Variants in KLF17 observed in about 807,000 individuals in gnomAD.
KLF17 encodes KLF transcription factor 17.
In KLF17, 31 loss-of-function variants were observed where a neutral mutation model predicts 34.2. That is an observed-to-expected ratio of 0.91 (90% confidence interval 0.68 to 1.22). KLF17 has a LOEUF of 1.22. Among genes scored for constraint, KLF17 ranks in the 50% most tolerant of loss-of-function variants. The pLI is 0.00. For missense variants in KLF17, 478 were observed against 505.2 expected, an observed-to-expected ratio of 0.95 and a Z score of 0.52; for synonymous variants, 179 against 186.7, an observed-to-expected ratio of 0.96 and a Z score of 0.34.
At chr1:44,074,016 C>T in the KLF17 span, among the ~76,000 whole-genome samples, 8,397 of 152,216 alleles carry the variant, frequency 0.055, 344 homozygotes, top group Admixed American at 0.11. Context: ...GCTGCCCCCC[C>T]AACAATATTT....
At chr1:44,062,484 G>A in the KLF17 span, among the ~76,000 whole-genome samples, 1 of 151,752 alleles carries the variant, frequency 6.6e-6, no homozygotes, top group South Asian at 2.1e-4. Flanking sequence ...AGGGAGGATC[G>A]TTTGGAGCCA....
chr1:44,117,465 A>ATTTTATTTAT (rs869175404), upstream of KLF17: 33 of 63,456 alleles, frequency 5.2e-4, no homozygotes, highest in Middle Eastern at 0.029. Context: ...ATTTTATTTT[A>ATTTTATTTAT]TTTATTTTAT....
chr1:44,096,602 G>A, the KLF17 span, among the ~76,000 whole-genome samples: 49,524 of 151,374 alleles, frequency 0.33, 8,262 homozygotes, highest in South Asian at 0.41. Flanking sequence ...GGTTTACACC[G>A]TGTTAGCCAG....
the KLF17 span, among the ~76,000 whole-genome samples, chr1:44,083,902 G>C: frequency 1.3e-5 from 2 of 152,022 alleles, no homozygotes; most frequent in Non-Finnish European, 2.9e-5. Flanking sequence ...AGTACAAGCC[G>C]GGATCGTCCT....
chr1:44,065,405 GTTT>G, the KLF17 span, among the ~76,000 whole-genome samples: 21 of 119,000 alleles, frequency 1.8e-4, no homozygotes, highest in African/African-American at 3.5e-4. Flanking sequence ...ATAATCCTTG[GTTT>G]TTTTTTTTTT....
the KLF17 span, among the ~76,000 whole-genome samples, chr1:44,099,425 T>C: frequency 8.6e-5 from 13 of 151,970 alleles, no homozygotes; most frequent in South Asian, 2.7e-3. Context: ...TAAATATTTT[T>C]AAAAAGAAAA....
chr1:44,108,424 C>G, the KLF17 span, among the ~76,000 whole-genome samples: 2 of 152,098 alleles, frequency 1.3e-5, no homozygotes, highest in Non-Finnish European at 2.9e-5. Flanking sequence ...TGTGAGTCAT[C>G]TAACTTGTAT....
the KLF17 span, among the ~76,000 whole-genome samples, chr1:44,098,260 A>C: frequency 1.3e-5 from 2 of 152,182 alleles, no homozygotes; most frequent in Non-Finnish European, 2.9e-5. Flanking sequence ...ATAGTTGCTC[A>C]TAATAGTCTC....
the KLF17 span, among the ~76,000 whole-genome samples, chr1:44,112,981 A>T: frequency 6.6e-6 from 1 of 152,116 alleles, no homozygotes; most frequent in African/African-American, 2.4e-5. Flanking sequence ...GTTCATTCTG[A>T]TGGCTTCAAT....
the KLF17 span, among the ~76,000 whole-genome samples, chr1:44,086,500 TAAATA>T: frequency 2.6e-5 from 3 of 116,450 alleles, no homozygotes; most frequent in Admixed American, 9.0e-5. Flanking sequence ...AATAAATAAA[TAAATA>T]AAAATAAATT....
At chr1:44,129,319 T>C in intron 1 of KLF17, 34 bp from the exon 2 acceptor site, 1 of 1,506,034 alleles carries the variant, frequency 6.6e-7, no homozygotes, top group African/African-American at 1.4e-5. Flanking sequence ...GAACTGGAAT[T>C]TGAGCAAAAA....
the KLF17 span, among the ~76,000 whole-genome samples, chr1:44,073,209 C>CTTTTTTTTT: frequency 1.4e-4 from 19 of 137,774 alleles, no homozygotes; most frequent in South Asian, 4.6e-4. Flanking sequence ...TCTTCTTCTT[C>CTTTTTTTTT]TTTTTTTTTT....
At chr1:44,121,665 A>C (rs1457920060) in intron 1 of KLF17, among the ~76,000 whole-genome samples, 2 of 152,200 alleles carry the variant, frequency 1.3e-5, no homozygotes, top group East Asian at 3.8e-4. Context: ...TCCTCATGAT[A>C]ACATTTAGCT....
chr1:44,062,254 T>A, the KLF17 span, among the ~76,000 whole-genome samples: 1 of 152,280 alleles, frequency 6.6e-6, no homozygotes, highest in Non-Finnish European at 1.5e-5. Context: ...AATGTATTTT[T>A]AACTCTAAAA....
chr1:44,087,228 G>A, the KLF17 span, among the ~76,000 whole-genome samples: 19 of 152,122 alleles, frequency 1.2e-4, no homozygotes, highest in African/African-American at 4.3e-4. Flanking sequence ...TGACTTAAAC[G>A]ACAGACATTT....
the KLF17 span, among the ~76,000 whole-genome samples, chr1:44,071,426 G>A: frequency 1.3e-5 from 2 of 152,022 alleles, no homozygotes; most frequent in East Asian, 1.9e-4. Flanking sequence ...ACTCTTTCAG[G>A]TACTTAAATT....
At chr1:44,108,370 T>C in the KLF17 span, among the ~76,000 whole-genome samples, 1 of 152,212 alleles carries the variant, frequency 6.6e-6, no homozygotes, top group Non-Finnish European at 1.5e-5. Flanking sequence ...TTCCCCATTT[T>C]TCCTTCTGAT....
At chr1:44,061,240 TTC>T in the KLF17 span, 1 of 152,214 alleles carries the variant, frequency 6.6e-6, no homozygotes. Flanking sequence ...ATCCAGAGAT[TTC>T]TGTTTCTCCA....
rs1025931864 is a variant in KLF17, at chr1:44,123,114, A to G, written c.81+4126A>G. On this transcript the variant is annotated intron_variant, in intron 1 of 3. Transcript: ENST00000372299. ...TTGTCACGTGAGGCTGCAGTGAGCC[A>G]TGATCATACCACTGTATTCCAGCCC... 4.6e-5 allele frequency among the ~76,000 whole-genome samples: 7 copies of G among 152,228 alleles called. No homozygotes were observed. The East Asian group carries it at 1.3e-3, about 29-fold the overall frequency.
Sources: allele counts gnomAD v4.1 joint callset (sites outside exome capture counted in the v4.1 genomes callset), GRCh38; gene constraint gnomAD v4.1.1; transcripts MANE v1.5; gene names NCBI Gene and HGNC (gene_info 2026-07-23, HGNC 2026-07-21).